Variants in TSHR observed in about 807,000 individuals in gnomAD.
TSHR encodes thyroid stimulating hormone receptor.
A neutral mutation model predicts 64.1 loss-of-function variants in TSHR; 51 were observed. The ratio of observed to expected loss-of-function variants is 0.80; its 90% CI spans 0.64 to 1.01. TSHR has a LOEUF of 1.01. Ranked by LOEUF, TSHR falls within the 50% of genes least tolerant of loss-of-function variation. The pLI, the probability that TSHR is intolerant of heterozygous loss-of-function variation, is 0.00. For synonymous variants in TSHR, 361 were observed against 361.9 expected, an observed-to-expected ratio of 1.00 and a Z score of 0.03; for missense variants, 877 against 942.8, an observed-to-expected ratio of 0.93 and a Z score of 0.91.
At chr14:81,039,071 C>G (rs2139840870) in intron 1 of TSHR, among the ~76,000 whole-genome samples, 1 of 151,900 alleles carries the variant, frequency 6.6e-6, no homozygotes, top group Admixed American at 6.6e-5. Context: ...GATACAAAAA[C>G]AAGACAAGGA....
chr14:81,131,614 G>A (rs1405571718), intron 8 of TSHR, among the ~76,000 whole-genome samples: 1 of 152,130 alleles, frequency 6.6e-6, no homozygotes, highest in African/African-American at 2.4e-5. Context: ...ACTCCTCACA[G>A]TCTTTACACT....
intron 3 of TSHR, among the ~76,000 whole-genome samples, chr14:81,073,839 CA>C: frequency 6.6e-6 from 1 of 152,194 alleles, no homozygotes; most frequent in African/African-American, 2.4e-5. Context: ...GCTGAGGATC[CA>C]GTACAGTAAA....
At chr14:81,075,992 G>A (rs1311038641) in intron 3 of TSHR, among the ~76,000 whole-genome samples, 2 of 152,040 alleles carry the variant, frequency 1.3e-5, no homozygotes, top group Admixed American at 1.3e-4. Context: ...CATGTCCTTT[G>A]TAGGGACATG....
intron 1 of TSHR, among the ~76,000 whole-genome samples, chr14:81,002,414 A>G (rs1274617043): frequency 6.6e-6 from 1 of 152,148 alleles, no homozygotes; most frequent in Non-Finnish European, 1.5e-5. Context: ...CAGTTTCCCC[A>G]TTTGTAAAAT....
intron 1 of TSHR, chr14:80,983,489 G>T: frequency 7.4e-7 from 1 of 1,356,734 alleles, no homozygotes; most frequent in South Asian, 1.2e-5. Flanking sequence ...ACCATAAAGA[G>T]GCAAAAGCCA....
intron 1 of TSHR, among the ~76,000 whole-genome samples, chr14:81,045,111 G>T (rs1594994479): frequency 6.6e-6 from 1 of 152,170 alleles, no homozygotes; most frequent in South Asian, 2.1e-4. Flanking sequence ...CATGGATGGA[G>T]TTGGAAGATA....
intron 1 of TSHR, among the ~76,000 whole-genome samples, chr14:80,975,776 A>G (rs1887834938): frequency 6.6e-6 from 1 of 152,160 alleles, no homozygotes; most frequent in African/African-American, 2.4e-5. Flanking sequence ...TTTTCTCCAC[A>G]TCATACTCCT....
intron 8 of TSHR, among the ~76,000 whole-genome samples, chr14:81,109,367 C>A (rs910166394): frequency 1.4e-4 from 21 of 151,930 alleles, no homozygotes; most frequent in African/African-American, 5.1e-4. Context: ...CCAGATCGTG[C>A]CACTGCACTC....
intron 1 of TSHR, among the ~76,000 whole-genome samples, chr14:80,956,227 G>A (rs144721732): frequency 1.9e-4 from 29 of 152,286 alleles, no homozygotes; most frequent in African/African-American, 7.0e-4. Flanking sequence ...CTTACCTTGG[G>A]TAATAAAAAA....
chr14:81,087,228 A>T (rs1252376230), intron 3 of TSHR, among the ~76,000 whole-genome samples: 1 of 152,238 alleles, frequency 6.6e-6, no homozygotes, highest in African/African-American at 2.4e-5. Context: ...TCATGTAAGC[A>T]TAGGGAATGC....
In TSHR at chr14:81,042,050, C is replaced by T. The variant is rs80278181; in HGVS notation, c.171-20098C>T. ...AACAGGTATATGAAAATATGCTTAACATTACCAATCATCAGAGGAATATAA... is the reference window on the plus strand; with the variant it reads ...AACAGGTATATGAAAATATGCTTAATATTACCAATCATCAGAGGAATATAA... On this transcript the variant is annotated intron_variant, in intron 1 of 9. Coordinates refer to ENST00000298171, the MANE Select transcript of TSHR (RefSeq NM_000369.5). Among the ~76,000 whole-genome samples, 4 of 152,234 alleles carry T rather than the reference C, an allele frequency of 2.6e-5. No individual in the cohort carries two copies. The East Asian group carries it at 7.7e-4, about 29-fold the overall frequency.
chr14:80,999,476 A>G (rs1889193274), intron 1 of TSHR, among the ~76,000 whole-genome samples: 1 of 152,230 alleles, frequency 6.6e-6, no homozygotes. Context: ...TGGAAGATCA[A>G]AATGTTAGTG....
chr14:80,971,368 A>G (rs1887581339), intron 1 of TSHR, among the ~76,000 whole-genome samples: 1 of 152,212 alleles, frequency 6.6e-6, no homozygotes, highest in Non-Finnish European at 1.5e-5. Context: ...CCCCTTGGGC[A>G]AAGCAGTGAA....
chr14:80,977,849 T>C (rs1887956268), intron 1 of TSHR, among the ~76,000 whole-genome samples: 1 of 152,226 alleles, frequency 6.6e-6, no homozygotes, highest in Non-Finnish European at 1.5e-5. Context: ...TTCTTAGATA[T>C]AAACAAAAGT....
At chr14:81,141,699 A>G (rs1456774231) in intron 9 of TSHR, among the ~76,000 whole-genome samples, 1 of 152,184 alleles carries the variant, frequency 6.6e-6, no homozygotes, top group East Asian at 1.9e-4. Context: ...ACTTGAGGTC[A>G]AGAGTTCAAG....
intron 8 of TSHR, among the ~76,000 whole-genome samples, chr14:81,136,399 T>G (rs1055707497): frequency 2.0e-5 from 3 of 150,408 alleles, no homozygotes; most frequent in Non-Finnish European, 4.4e-5. Flanking sequence ...GATGGGACAA[T>G]GGTCTTGAGG....
chr14:80,957,774 T>G (rs2268451), intron 1 of TSHR: 75,873 of 152,098 alleles, frequency 0.5, 20,489 homozygotes, highest in African/African-American at 0.71. Flanking sequence ...TTGTGTAAGA[T>G]GACTGATTTG....
intron 7 of TSHR, chr14:81,104,906 T>C (rs1250356250): frequency 1.0e-6 from 1 of 985,230 alleles, no homozygotes; most frequent in East Asian, 1.1e-4. Context: ...CATAGAGATG[T>C]AGCCATGTCT....
intron 1 of TSHR, among the ~76,000 whole-genome samples, chr14:80,976,716 G>C (rs1013576578): frequency 6.2e-4 from 94 of 152,220 alleles, no homozygotes; most frequent in African/African-American, 2.3e-3. Flanking sequence ...TCTTCAGCCT[G>C]CTGGTCTCTG....
Sources: allele counts gnomAD v4.1 joint callset (sites outside exome capture counted in the v4.1 genomes callset), GRCh38; gene constraint gnomAD v4.1.1; transcripts MANE v1.5; gene names NCBI Gene and HGNC (gene_info 2026-07-23, HGNC 2026-07-21).